The following CECR2 variants were observed in gnomAD, a reference collection of about 807,000 sequenced individuals.
The protein encoded by CECR2 is chromatin remodeling regulator CECR2.
A neutral mutation model predicts 154.5 loss-of-function variants in CECR2; 30 were observed. The observed-to-expected ratio is 0.19, with a 90% CI of 0.15 to 0.26. The LOEUF (loss-of-function observed/expected upper bound fraction) is 0.26, where lower values mean the gene tolerates loss of function less well. Among genes scored for constraint, CECR2 ranks in the 10% least tolerant of loss-of-function variants. The pLI is 1.00. For synonymous variants in CECR2, 725 were observed against 683.7 expected (o/e 1.06, Z -0.94); for missense variants, 1,743 against 1,829.3 (o/e 0.95, Z 0.86).
intron 1 of CECR2, among the ~76,000 whole-genome samples, chr22:17,445,123 C>T (rs1488747212): frequency 2.6e-5 from 4 of 152,000 alleles, no homozygotes; most frequent in Non-Finnish European, 4.4e-5. Flanking sequence ...TATTCATATA[C>T]CTCATATTAA....
chr22:17,391,876 A>G (rs566316158), intron 1 of CECR2, among the ~76,000 whole-genome samples: 1 of 152,308 alleles, frequency 6.6e-6, no homozygotes, highest in African/African-American at 2.4e-5. Flanking sequence ...ATCTCCGCTC[A>G]CTGTAACTTC....
chr22:17,436,172 A>C (rs1258846155), intron 1 of CECR2, among the ~76,000 whole-genome samples: 1 of 152,008 alleles, frequency 6.6e-6, no homozygotes, highest in African/African-American at 2.4e-5. Context: ...GTTAGCCAGG[A>C]TGGTCTTGAT....
chr22:17,405,299 C>A (rs891067285), intron 1 of CECR2, among the ~76,000 whole-genome samples: 4 of 151,966 alleles, frequency 2.6e-5, no homozygotes, highest in African/African-American at 4.8e-5. Flanking sequence ...GTAATCCCAG[C>A]TACTCAGGAG....
intron 1 of CECR2, among the ~76,000 whole-genome samples, chr22:17,372,061 T>C (rs1321941844): frequency 6.6e-6 from 1 of 152,234 alleles, no homozygotes; most frequent in African/African-American, 2.4e-5. Flanking sequence ...CTGTCCTCTC[T>C]TTTGACTCCA....
At chr22:17,383,947 A>G (rs574875306) in intron 1 of CECR2, among the ~76,000 whole-genome samples, 227 of 152,270 alleles carry the variant, frequency 1.5e-3, no homozygotes, top group African/African-American at 5.2e-3. Flanking sequence ...TGCTGGGATT[A>G]CAGGTGTGAG....
At chr22:17,366,949 G>GAGTT (rs550766040), upstream of CECR2, among the ~76,000 whole-genome samples, 607 of 152,178 alleles carry the variant, frequency 4.0e-3, 2 homozygotes, top group South Asian at 0.017. Context: ...GAGACAAACA[G>GAGTT]AGTTAGAGAA....
At chr22:17,419,412 G>T in intron 1 of CECR2, 1 of 180,782 alleles carries the variant, frequency 5.5e-6, no homozygotes, top group South Asian at 1.3e-4. Context: ...TGGTGGATGA[G>T]AGCCCTGATT....
Position 17,477,701 on chromosome 22 carries a change from T to C in CECR2, c.221+19T>C. 6.5e-7 allele frequency: 1 copy of C among 1,545,394 alleles called. No homozygotes were observed. Among genetic ancestry groups the C allele is most frequent in the Non-Finnish European group, 8.9e-7 (1 of 1,117,896 alleles). On this transcript the variant is annotated intron_variant, in intron 2 of 18. Coordinates refer to ENST00000262608, the MANE Select transcript of CECR2 (RefSeq NM_001290047.2). ...ATATCACGTGAGTAATTCTGATCTT[T>C]CTAAGCATTTCTTGCGCCAAGAACT...
At chr22:17,521,181 CTGATGACCAG>C in intron 8 of CECR2, among the ~76,000 whole-genome samples, 1 of 152,188 alleles carries the variant, frequency 6.6e-6, no homozygotes, top group East Asian at 1.9e-4. Flanking sequence ...TTGCATTTCT[CTGATGACCAG>C]TGATGATGAG....
intron 1 of CECR2, among the ~76,000 whole-genome samples, chr22:17,372,264 G>T (rs1381966488): frequency 6.6e-6 from 1 of 152,122 alleles, no homozygotes; most frequent in Admixed American, 6.5e-5. Flanking sequence ...TCCATCTCAG[G>T]TATGTTTTGA....
At chr22:17,447,546 T>G (rs1482143031) in intron 1 of CECR2, among the ~76,000 whole-genome samples, 3 of 151,886 alleles carry the variant, frequency 2.0e-5, no homozygotes, top group African/African-American at 4.8e-5. Flanking sequence ...AACTTGTCAT[T>G]CATTCATTAG....
intron 5 of CECR2, among the ~76,000 whole-genome samples, chr22:17,501,856 C>A (rs1027113761): frequency 2.6e-4 from 39 of 152,126 alleles, no homozygotes; most frequent in African/African-American, 9.2e-4. Flanking sequence ...AACAAGCATC[C>A]ATGGACTTGT....
intron 16 of CECR2, 29 bp from the exon 17 acceptor site, chr22:17,548,119 T>G: frequency 6.8e-7 from 1 of 1,474,626 alleles, no homozygotes; most frequent in Non-Finnish European, 9.0e-7. Flanking sequence ...CTGAGTTATT[T>G]TTTCTCCTCT....
chr22:17,494,546 T>C (rs147983844), intron 2 of CECR2, among the ~76,000 whole-genome samples: 118 of 152,312 alleles, frequency 7.7e-4, no homozygotes, highest in African/African-American at 2.8e-3. Context: ...ATGTGAATGC[T>C]GTAGTCCAGT....
At chr22:17,548,102 T>A in intron 16 of CECR2, 46 bp from the exon 17 acceptor site, 1 of 1,453,642 alleles carries the variant, frequency 6.9e-7, no homozygotes, top group Non-Finnish European at 9.2e-7. Context: ...TACTGTCATT[T>A]CAGCTACTGA....
chr22:17,497,019 C>A (rs563642076), intron 2 of CECR2, among the ~76,000 whole-genome samples: 1 of 152,156 alleles, frequency 6.6e-6, no homozygotes, highest in African/African-American at 2.4e-5. Context: ...CTGGGCCAAG[C>A]GTGTTACCTC....
At position 17,373,007 on chromosome 22, in the gene CECR2, C is replaced by T. The variant is rs1262425616; in HGVS notation, c.126+3098C>T. 2.0e-5 allele frequency among the ~76,000 whole-genome samples: 3 copies of T among 152,130 alleles called. No individual in the cohort carries two copies. In the East Asian group the frequency reaches 5.8e-4, roughly 29 times the overall value. The stretch of plus-strand genomic sequence containing the variant: ...CACTTCTCCAAGAGATTAAGACCTT[C>T]CACTTAGAAAACTGTCCCCAAAACG... On this transcript the variant is annotated intron_variant, in intron 1 of 18. Coordinates refer to ENST00000262608, the MANE Select transcript of CECR2 (RefSeq NM_001290047.2).
chr22:17,449,180 C>A (rs1490206900), intron 1 of CECR2, among the ~76,000 whole-genome samples: 1 of 152,002 alleles, frequency 6.6e-6, no homozygotes, highest in Admixed American at 6.6e-5. Flanking sequence ...CGTCCCACCT[C>A]TTTTATCCCC....
intron 9 of CECR2, among the ~76,000 whole-genome samples, chr22:17,532,533 C>T (rs1367684738): frequency 6.6e-6 from 1 of 151,898 alleles, no homozygotes; most frequent in Non-Finnish European, 1.5e-5. Context: ...AGGATTTCCT[C>T]TATTGTTTCC....
Sources: gnomAD v4.1 joint callset for allele counts (sites outside exome capture counted in the v4.1 genomes callset) on GRCh38, gnomAD v4.1.1 for gene constraint, MANE v1.5 for transcripts, NCBI Gene and HGNC (gene_info 2026-07-23, HGNC 2026-07-21) for gene names.